The following TBC1D22A variants were observed in gnomAD, a reference collection of about 807,000 sequenced individuals.
TBC1D22A encodes putative GTPase activator.
A neutral mutation model predicts 60.2 loss-of-function variants in TBC1D22A; 38 were observed. The ratio of observed to expected loss-of-function variants is 0.63; its 90% CI spans 0.49 to 0.83. TBC1D22A has a LOEUF of 0.83. TBC1D22A is among the 40% of genes least tolerant of loss of function. The pLI is 0.00. For synonymous variants in TBC1D22A, 302 were observed against 281.7 expected (o/e 1.07, Z -0.72); for missense variants, 628 against 701.0 (o/e 0.90, Z 1.18).
At chr22:47,051,442 G>T (rs547044838) in intron 11 of TBC1D22A, among the ~76,000 whole-genome samples, 1 of 152,148 alleles carries the variant, frequency 6.6e-6, no homozygotes, top group Non-Finnish European at 1.5e-5. Flanking sequence ...GTCCTCAGCC[G>T]TGCTCTCTGG....
chr22:47,037,834 G>T (rs1404654261), intron 11 of TBC1D22A, among the ~76,000 whole-genome samples: 1 of 152,192 alleles, frequency 6.6e-6, no homozygotes, highest in Non-Finnish European at 1.5e-5. Context: ...TGGTGACTCT[G>T]CTGTGAGTTT....
At chr22:46,806,694 T>G (rs986365737) in intron 4 of TBC1D22A, among the ~76,000 whole-genome samples, 6 of 152,214 alleles carry the variant, frequency 3.9e-5, no homozygotes, top group Admixed American at 6.5e-5. Flanking sequence ...AAAAATGTGA[T>G]AATGTACCTT....
chr22:46,977,109 C>T (rs2074329918), intron 9 of TBC1D22A, among the ~76,000 whole-genome samples: 2 of 152,196 alleles, frequency 1.3e-5, no homozygotes, highest in East Asian at 1.9e-4. Context: ...GCCCAGGTGA[C>T]GTGGCTTGTA....
intron 10 of TBC1D22A, among the ~76,000 whole-genome samples, 184 bp from the exon 11 acceptor site, chr22:47,036,887 A>C (rs955907568): frequency 2.0e-5 from 3 of 152,230 alleles, no homozygotes; most frequent in African/African-American, 7.2e-5. Flanking sequence ...TCCTGTAGGA[A>C]GGGAGAGCTG....
At chr22:46,948,170 A>G (rs1172233728) in intron 8 of TBC1D22A, among the ~76,000 whole-genome samples, 1 of 152,258 alleles carries the variant, frequency 6.6e-6, no homozygotes, top group Admixed American at 6.5e-5. Context: ...TCTTCAAATA[A>G]AACATTTTAG....
At chr22:46,773,312 T>G (rs2083567715) in intron 1 of TBC1D22A, among the ~76,000 whole-genome samples, 1 of 152,150 alleles carries the variant, frequency 6.6e-6, no homozygotes, top group African/African-American at 2.4e-5. Context: ...ACCTGCGTAG[T>G]TCTTTTTCCT....
chr22:47,145,965 G>A (rs549586654), intron 12 of TBC1D22A, among the ~76,000 whole-genome samples: 3 of 151,390 alleles, frequency 2.0e-5, no homozygotes, highest in East Asian at 3.9e-4. Flanking sequence ...GCTGCGGCAC[G>A]GGGATGCACT....
At position 47,175,476 on chromosome 22, in the gene TBC1D22A, G is replaced by C. The variant is rs549378758; in HGVS notation, c.*1850G>C. 6.6e-6 allele frequency: 1 copy of C among 152,148 alleles called. No individual in the cohort carries two copies. The allele number at this position is 152,148 out of a possible 1,614,324, so 9.4% of individuals were successfully genotyped here. A position where few individuals can be genotyped will look rare whatever the true frequency, so the allele number is the denominator to read the frequency against. On this transcript the variant is annotated 3_prime_UTR_variant, in exon 13 of 13. Transcript: ENST00000337137. ...TCATGCCGTGTGGCCAGAAGGCTGC[G>C]GACACAACTGACCTGCTTCTCGAGG...
chr22:47,041,185 G>A (rs973370570), intron 11 of TBC1D22A, among the ~76,000 whole-genome samples: 1 of 152,174 alleles, frequency 6.6e-6, no homozygotes, highest in African/African-American at 2.4e-5. Flanking sequence ...CCTTTCTAGT[G>A]ATATCCAAGA....
intron 4 of TBC1D22A, among the ~76,000 whole-genome samples, chr22:46,825,992 C>T (rs2086042887): frequency 6.7e-6 from 1 of 150,196 alleles, no homozygotes; most frequent in African/African-American, 2.5e-5. Context: ...ACGCCATTCT[C>T]CTGCCTCAGC....
At chr22:46,992,290 G>A (rs754984269) in intron 9 of TBC1D22A, among the ~76,000 whole-genome samples, 1 of 152,276 alleles carries the variant, frequency 6.6e-6, no homozygotes, top group Admixed American at 6.5e-5. Flanking sequence ...CCTCCAGTGC[G>A]GGGCTGGGAC....
chr22:46,779,116 A>G (rs2083828227), intron 1 of TBC1D22A, among the ~76,000 whole-genome samples: 1 of 152,274 alleles, frequency 6.6e-6, no homozygotes, highest in Non-Finnish European at 1.5e-5. Context: ...GTTGTTCATT[A>G]TGATCAAGTA....
intron 7 of TBC1D22A, among the ~76,000 whole-genome samples, chr22:46,904,159 C>CTACCTACA (rs2069267991): frequency 6.6e-6 from 1 of 151,394 alleles, no homozygotes; most frequent in South Asian, 2.1e-4. Context: ...ACCTACCTAC[C>CTACCTACA]TACCTACCTA....
At chr22:47,152,344 C>A (rs905024687) in intron 12 of TBC1D22A, among the ~76,000 whole-genome samples, 2 of 152,104 alleles carry the variant, frequency 1.3e-5, no homozygotes, top group Non-Finnish European at 2.9e-5. Context: ...ACGGGGTTCC[C>A]CCCCTGGCCC....
intron 1 of TBC1D22A, among the ~76,000 whole-genome samples, chr22:46,778,619 C>A (rs1397817012): frequency 6.6e-6 from 1 of 152,168 alleles, no homozygotes; most frequent in Non-Finnish European, 1.5e-5. Flanking sequence ...TCATCATCTT[C>A]CATGATAACA....
At position 47,164,088 on chromosome 22, in the gene TBC1D22A, C is replaced by T. The variant is rs376171530; in HGVS notation, c.1426-9410C>T. ...GACGCTGCTGTGCGGAGGTCTGAGC[C>T]GGCTTCAGATGAGCCCGAGGCCTCC... On this transcript the variant is annotated intron_variant, in intron 12 of 12. Transcript: ENST00000337137. Among the ~76,000 whole-genome samples, 44 of 152,354 alleles carry T rather than the reference C, an allele frequency of 2.9e-4. No individual in the cohort carries two copies. The East Asian group carries it at 3.7e-3, about 13-fold the overall frequency.
At chr22:46,847,504 G>A (rs1007321180) in intron 4 of TBC1D22A, among the ~76,000 whole-genome samples, 1 of 152,216 alleles carries the variant, frequency 6.6e-6, no homozygotes, top group South Asian at 2.1e-4. Flanking sequence ...TCATTGTTAC[G>A]CATTCTGCTG....
chr22:46,788,352 T>C (rs1159908379), intron 1 of TBC1D22A, among the ~76,000 whole-genome samples: 6 of 152,134 alleles, frequency 3.9e-5, no homozygotes, highest in Non-Finnish European at 8.8e-5. Context: ...ACATTGAGAG[T>C]TTAAAATAAT....
chr22:47,049,628 G>A (rs565601477), intron 11 of TBC1D22A, among the ~76,000 whole-genome samples: 33 of 152,214 alleles, frequency 2.2e-4, no homozygotes, highest in Middle Eastern at 3.4e-3. Flanking sequence ...CCTTTTCTAC[G>A]AGTTTTTTTG....
Sources: allele counts gnomAD v4.1 joint callset (sites outside exome capture counted in the v4.1 genomes callset), GRCh38; gene constraint gnomAD v4.1.1; transcripts MANE v1.5; gene names NCBI Gene and HGNC (gene_info 2026-07-23, HGNC 2026-07-21).